Variants in EEA1 observed in about 807,000 individuals in gnomAD.
EEA1 encodes early endosome antigen 1, also known as early endosome antigen 1, 162kD.
In EEA1, 111 loss-of-function variants were observed where a neutral mutation model predicts 209.2. That is an observed-to-expected ratio of 0.53 (90% confidence interval 0.45 to 0.62). EEA1 has a LOEUF of 0.62. EEA1 is among the 20% of genes least tolerant of loss of function. The pLI, the probability that EEA1 is intolerant of heterozygous loss-of-function variation, is 0.00. For missense variants in EEA1, 1,343 were observed against 1,530.8 expected, an observed-to-expected ratio of 0.88 and a Z score of 2.05; for synonymous variants, 536 against 540.6, an observed-to-expected ratio of 0.99 and a Z score of 0.12.
intron 1 of EEA1, among the ~76,000 whole-genome samples, chr12:92,903,924 A>G (rs561057475): frequency 1.7e-4 from 26 of 151,346 alleles, no homozygotes; most frequent in African/African-American, 6.1e-4. Context: ...TCCACCCATA[A>G]TTTTTTGTTA....
At position 92,916,935 on chromosome 12, in the gene EEA1, T is replaced by A. The variant is rs566812002; in HGVS notation, c.24+12108A>T. 2.1e-4 allele frequency among the ~76,000 whole-genome samples: 32 copies of A among 150,762 alleles called. No homozygotes were observed. In the South Asian group the frequency reaches 6.5e-3, roughly 31 times the overall value. ...GAGCTGAAAACCAAGGCTCGAGAAC[T>A]ACGTGAAGAACGCAGAAGCCTCAGG... is the stretch of plus-strand genomic sequence containing the variant. On this transcript the variant is annotated intron_variant, in intron 1 of 28. Transcript: ENST00000322349.
chr12:92,910,261 G>C (rs1042590163), intron 1 of EEA1, among the ~76,000 whole-genome samples: 4 of 152,030 alleles, frequency 2.6e-5, no homozygotes, highest in African/African-American at 9.7e-5. Flanking sequence ...CACGAGGTCA[G>C]GAGTTCAAGA....
At chr12:92,808,931 G>T in intron 18 of EEA1, 86 bp downstream of exon 18, 2 of 1,226,926 alleles carry the variant, frequency 1.6e-6, no homozygotes, top group Non-Finnish European at 2.2e-6. Flanking sequence ...TAAGCACTAC[G>T]ATAGCAAAAT....
chr12:92,869,790 G>GAAAAAAAAAAAAAAAAAAAAAAAAAAAA (rs1230847458), intron 2 of EEA1, among the ~76,000 whole-genome samples: 2 of 69,056 alleles, frequency 2.9e-5, no homozygotes, highest in Admixed American at 1.5e-4. Context: ...AAAAAAAAAG[G>GAAAAAAAAAAAAAAAAAAAAAAAAAAAA]AAAGCCCTTA....
rs538756841 is a variant in EEA1, at chr12:92,907,294, C to T, written c.25-15573G>A. Among the ~76,000 whole-genome samples the T allele has an allele frequency of 2.0e-5, 3 of 152,292 alleles. No individual in the cohort carries two copies. The South Asian group carries it at 6.2e-4, about 32-fold the overall frequency. On this transcript the variant is annotated intron_variant, in intron 1 of 28. Coordinates refer to ENST00000322349, the MANE Select transcript of EEA1 (RefSeq NM_003566.4). The stretch of plus-strand genomic sequence containing the variant: ...TTCCAATTCATATTTTCCTGTCCTG[C>T]CAAATATATCTAATTGAATGCCTTG...
chr12:92,824,185 C>T (rs909285928), intron 13 of EEA1, among the ~76,000 whole-genome samples: 3 of 152,170 alleles, frequency 2.0e-5, no homozygotes, highest in Non-Finnish European at 4.4e-5. Context: ...CCCTTGAGTT[C>T]TCTCTCAATA....
Position 92,819,500 on chromosome 12 carries a change from T to C in EEA1, c.1536A>G (p.Glu512=). Residue 512 remains glutamate, a synonymous_variant, in exon 14 of 29, where the codon GAA becomes GAG. Coordinates refer to ENST00000322349, the MANE Select transcript of EEA1 (RefSeq NM_003566.4). ...TATCGCCAATTTGACGTAGAACTTG[T>C]TCCAAATCATTCTGTAAAGAATTGA... The part of the protein sequence containing the change: ...AKLREAQNDL[E]QVLRQIGDKD... 1 of 1,592,660 alleles carries C rather than the reference T, an allele frequency of 6.3e-7. No homozygotes were observed. Among genetic ancestry groups the C allele is most frequent in the South Asian group, 1.2e-5 (1 of 85,406 alleles).
rs369375811 is a variant in EEA1 at position 92,852,206 on chromosome 12, G to C, written c.611C>G (p.Ala204Gly). ...TRLTEELNKE[A>G]TVIQDLKTEL... is the part of the protein sequence containing the mutation. ...CGTCTTCAGATCTTGAATTACAGTT[G>C]CCTCTTTGTTTAATTCTTCTGTCAG... Residue 204 changes from alanine (A) to glycine (G), a missense_variant, in exon 8 of 29, where the codon GCA becomes GGA. Ala to Gly is a moderately conservative substitution (Grantham distance 60). Coordinates refer to ENST00000322349, the MANE Select transcript of EEA1 (RefSeq NM_003566.4). 8.8e-6 allele frequency: 14 copies of C among 1,590,136 alleles called. No individual in the cohort carries two copies. The highest frequency in any genetic ancestry group is 1.2e-5 in the Non-Finnish European group (14 of 1,169,382).
Position 92,807,253 on chromosome 12 carries a change from AT to A in EEA1, c.2339+1763del, listed in dbSNP as rs113721341. On this transcript the variant is annotated intron_variant, in intron 18 of 28. Transcript: ENST00000322349. ...ACAGGCATGAGCCACAAGGCCGATA[AT>A]TTTTTTTTTATATATAACTAGGTAT... Among the ~76,000 whole-genome samples, 79 of 150,858 alleles carry A rather than the reference AT, an allele frequency of 5.2e-4. 3 individuals are homozygous for A. In the East Asian group the frequency reaches 0.012, roughly 24 times the overall value.
intron 1 of EEA1, among the ~76,000 whole-genome samples, chr12:92,909,545 T>C (rs897912417): frequency 1.1e-4 from 17 of 152,234 alleles, no homozygotes; most frequent in Admixed American, 1.3e-4. Context: ...TGAGAAAAGA[T>C]AGCTGTTATC....
rs756968632 is a variant in EEA1 at position 92,809,084 on chromosome 12, G to T, written c.2272C>A (p.Gln758Lys). ...QALQDLQQQR[Q>K]LNTDLELRAT... ...CTGAGCTCTAAATCTGTGTTCAGCT[G>T]TCTTTGCTGTTGTAGATCTTGCAAA... The change falls in exon 18 of 29, where the codon CAG (glutamine) becomes AAG (lysine). Residue 758 changes from glutamine to lysine, a missense_variant. Physicochemically the swap from Gln to Lys is moderately conservative, Grantham distance 53. Coordinates refer to ENST00000322349, the MANE Select transcript of EEA1 (RefSeq NM_003566.4). 62 of 1,608,108 alleles carry T rather than the reference G, an allele frequency of 3.9e-5. 1 individual carries two copies. In the South Asian group the frequency reaches 6.8e-4, roughly 18 times the overall value.
chr12:92,822,878 CTA>C (rs1876122871), intron 13 of EEA1, among the ~76,000 whole-genome samples: 1 of 152,136 alleles, frequency 6.6e-6, no homozygotes. Flanking sequence ...CCACATTCCC[CTA>C]TGAGATGGCC....
intron 20 of EEA1, among the ~76,000 whole-genome samples, chr12:92,800,829 A>G (rs1184349059): frequency 6.6e-6 from 1 of 152,250 alleles, no homozygotes; most frequent in Non-Finnish European, 1.5e-5. Flanking sequence ...ATAAATTTGA[A>G]CAATCTTGAT....
At chr12:92,904,729 T>C (rs565024815) in intron 1 of EEA1, among the ~76,000 whole-genome samples, 13 of 152,146 alleles carry the variant, frequency 8.5e-5, no homozygotes, top group African/African-American at 2.7e-4. Flanking sequence ...CTAAAAGATA[T>C]CTTAAAGGAT....
Position 92,778,145 on chromosome 12 carries a change from T to C in EEA1, c.3689A>G (p.Lys1230Arg). 6.2e-7 allele frequency: 1 copy of C among 1,612,940 alleles called. No individual in the cohort carries two copies. Among genetic ancestry groups the C allele is most frequent in the Admixed American group, 1.7e-5 (1 of 59,836 alleles). ...SEIKEKEVGM[K>R]KHEENEAKLT... Reference sequence around the variant, plus strand: ...TTTAGCCTCATTTTCTTCATGCTTCTTCATTCCTACTTCCTTTTCTTTTAT... The same window carrying C: ...TTTAGCCTCATTTTCTTCATGCTTCCTCATTCCTACTTCCTTTTCTTTTAT... Residue 1230 changes from lysine to arginine, a missense_variant, in exon 26 of 29, where the codon AAG becomes AGG. Transcript: ENST00000322349.
chr12:92,902,936 CTTTT>C, intron 1 of EEA1, among the ~76,000 whole-genome samples: 2 of 136,624 alleles, frequency 1.5e-5, no homozygotes, highest in South Asian at 4.8e-4. Flanking sequence ...GTTCAACAGT[CTTTT>C]TTTTTTTTTT....
intron 21 of EEA1, among the ~76,000 whole-genome samples, chr12:92,798,628 T>G (rs1362586802): frequency 2.0e-5 from 3 of 152,168 alleles, no homozygotes; most frequent in Non-Finnish European, 4.4e-5. Context: ...ATATATTATT[T>G]TTAATAAGAT....
At chr12:92,842,387 AT>A in intron 10 of EEA1, 77 bp downstream of exon 10, 3 of 765,186 alleles carry the variant, frequency 3.9e-6, no homozygotes, top group Middle Eastern at 3.8e-4. Context: ...ATGCCAATAT[AT>A]TTTTTAAAGT....
chr12:92,892,050 A>T (rs1408554307), intron 1 of EEA1, among the ~76,000 whole-genome samples: 7 of 152,208 alleles, frequency 4.6e-5, no homozygotes, highest in African/African-American at 1.7e-4. Flanking sequence ...AGAAGAAAAC[A>T]GATTTAAAGC....
Sources: gnomAD v4.1 joint callset for allele counts (sites outside exome capture counted in the v4.1 genomes callset) on GRCh38, gnomAD v4.1.1 for gene constraint, MANE v1.5 for transcripts, NCBI Gene and HGNC (gene_info 2026-07-23, HGNC 2026-07-21) for gene names.